The following C14orf39 variants were observed in gnomAD, a reference collection of about 807,000 sequenced individuals.
The protein encoded by C14orf39 is chromosome 14 open reading frame 39, also known as protein SIX6OS1.
In C14orf39, 66 loss-of-function variants were observed where a neutral mutation model predicts 85.6. That is an observed-to-expected ratio of 0.77 (90% confidence interval 0.63 to 0.95). The LOEUF is 0.95. Ranked by LOEUF, C14orf39 falls within the 40% of genes least tolerant of loss-of-function variation. The probability of loss-of-function intolerance (pLI) is 0.00; values close to 1 mark genes in which losing one functional copy is unlikely to be tolerated. For synonymous variants in C14orf39, 242 were observed against 214.0 expected (o/e 1.13, Z -1.14); for missense variants, 735 against 663.9 (o/e 1.11, Z -1.18).
rs751596109 is a variant in C14orf39, at chr14:60,458,716, TC to T, written c.1140del (p.Thr381GlnfsTer2). ...GDKDAEYGDK[G>X]TVRQVRESKC... Reference sequence around the variant, plus strand: ...TTTGATTCTCTTACTTGTCTTACTGTCCCTTTATCTCCATACTCAGCATCTG... The same window carrying T: ...TTTGATTCTCTTACTTGTCTTACTGTCCTTTATCTCCATACTCAGCATCTG... On this transcript the variant is annotated frameshift_variant, in exon 14 of 18. Transcript: ENST00000321731. LOFTEE classifies it high-confidence loss of function. 6.2e-7 allele frequency: 1 copy of T among 1,602,556 alleles called. No homozygotes were observed. Among genetic ancestry groups the T allele is most frequent in the Non-Finnish European group, 8.5e-7 (1 of 1,174,090 alleles).
chr14:60,442,332 G>T (rs891773110), intron 16 of C14orf39, among the ~76,000 whole-genome samples: 1 of 152,066 alleles, frequency 6.6e-6, no homozygotes, highest in Non-Finnish European at 1.5e-5. Flanking sequence ...AAGGTCTATT[G>T]ATTTGATTCA....
intron 11 of C14orf39, among the ~76,000 whole-genome samples, chr14:60,464,475 T>G (rs1891687776): frequency 6.6e-6 from 1 of 152,160 alleles, no homozygotes; most frequent in South Asian, 2.1e-4. Flanking sequence ...AGCTTCTTGT[T>G]TTAACTGTGT....
Position 60,485,946 on chromosome 14 carries a change from T to G in C14orf39, c.-10A>C, listed in dbSNP as rs1456587886. 2 of 151,938 alleles carry G rather than the reference T, an allele frequency of 1.3e-5. No homozygotes were observed. Among genetic ancestry groups the G allele is most frequent in the Non-Finnish European group, 2.9e-5 (2 of 68,288 alleles). 9.4% of individuals were successfully genotyped at this position (151,938 alleles called of 1,614,324 possible). On this transcript the variant is annotated splice_region_variant and 5_prime_UTR_variant, in exon 1 of 18. Transcript: ENST00000321731. ...CATGCAGCTCCCTTCCACACGCACCTAAACAGCTCCTCTGGACCCGAACGC... is the reference window on the plus strand; with the variant it reads ...CATGCAGCTCCCTTCCACACGCACCGAAACAGCTCCTCTGGACCCGAACGC...
upstream of C14orf39, among the ~76,000 whole-genome samples, chr14:60,487,492 C>CGTGT (rs1308228152): frequency 0.015 from 2,265 of 149,640 alleles, 24 homozygotes; most frequent in South Asian, 0.031. Context: ...AATAAAAGTC[C>CGTGT]GTGTGTGTGT....
At chr14:60,443,742 G>A (rs1168203505) in intron 16 of C14orf39, among the ~76,000 whole-genome samples, 3 of 152,208 alleles carry the variant, frequency 2.0e-5, no homozygotes, top group Admixed American at 6.5e-5. Context: ...TGACTCCCAT[G>A]TAGCCTGACT....
intron 16 of C14orf39, among the ~76,000 whole-genome samples, chr14:60,446,976 A>C (rs1426323715): frequency 6.6e-6 from 1 of 152,214 alleles, no homozygotes; most frequent in Non-Finnish European, 1.5e-5. Context: ...AGATGCAGAA[A>C]AGGCCTTTGA....
chr14:60,441,134 G>C (rs1027950265), intron 17 of C14orf39, among the ~76,000 whole-genome samples: 1 of 152,066 alleles, frequency 6.6e-6, no homozygotes, highest in African/African-American at 2.4e-5. Flanking sequence ...ACAGAATTAA[G>C]GTAAACACAG....
intron 17 of C14orf39, among the ~76,000 whole-genome samples, chr14:60,438,527 T>C (rs1365527265): frequency 6.6e-6 from 1 of 152,166 alleles, no homozygotes; most frequent in Non-Finnish European, 1.5e-5. Context: ...AAGAACACAT[T>C]ACTGTGCAAG....
intron 11 of C14orf39, 47 bp from the exon 12 acceptor site, chr14:60,461,640 A>C: frequency 1.5e-6 from 2 of 1,321,850 alleles, no homozygotes; most frequent in South Asian, 1.6e-5. Flanking sequence ...CAAAGCAATA[A>C]AAATTTTTTG....
At chr14:60,493,550 G>A (rs563569046) in intron 2 of C14orf39, among the ~76,000 whole-genome samples, 1 of 152,258 alleles carries the variant, frequency 6.6e-6, no homozygotes, top group African/African-American at 2.4e-5. Context: ...TTTGTCAAAA[G>A]AGGCAAAGCT....
chr14:60,474,507 TG>T (rs1892271147), intron 5 of C14orf39, among the ~76,000 whole-genome samples: 1 of 143,290 alleles, frequency 7.0e-6, no homozygotes, highest in Non-Finnish European at 1.5e-5. Context: ...TTCCAGTTTT[TG>T]CCCATTCAGT....
chr14:60,476,746 G>C (rs1003721529), intron 5 of C14orf39, among the ~76,000 whole-genome samples: 20 of 152,130 alleles, frequency 1.3e-4, no homozygotes, highest in African/African-American at 4.3e-4. Flanking sequence ...TATATATACT[G>C]TGTTTGGGGC....
At chr14:60,490,407 C>A (rs1892968276), upstream of C14orf39, among the ~76,000 whole-genome samples, 1 of 151,306 alleles carries the variant, frequency 6.6e-6, no homozygotes, top group African/African-American at 2.4e-5. Flanking sequence ...AGTTCAAGAC[C>A]AGCCTGGGAA....
chr14:60,499,034 G>A (rs1295802170), intron 2 of C14orf39, among the ~76,000 whole-genome samples: 3 of 152,094 alleles, frequency 2.0e-5, no homozygotes, highest in African/African-American at 2.4e-5. Context: ...CAAGGTAGGC[G>A]GATCACCTGA....
At position 60,436,922 on chromosome 14, in the gene C14orf39, G is replaced by A. The variant is rs1280858765; in HGVS notation, c.1687C>T (p.Gln563Ter). 1 of 1,612,572 alleles carries A rather than the reference G, an allele frequency of 6.2e-7. No homozygotes were observed. Among genetic ancestry groups the A allele is most frequent in the Non-Finnish European group, 8.5e-7 (1 of 1,178,944 alleles). ...AAAGAAGAAGAAGGTATTGAATTTTGACCCTGTCCAAATGAAAATGGAAAA... is the reference window on the plus strand; with the variant it reads ...AAAGAAGAAGAAGGTATTGAATTTTAACCCTGTCCAAATGAAAATGGAAAA... ...FSFPFSFGQGQNSIPSSSLKG... is the reference protein window; with the variant it reads ...FSFPFSFGQG The change falls in exon 18 of 18, where the codon CAA (glutamine) becomes TAA (stop). Residue 563 changes from glutamine (Q) to a stop codon, truncating the protein, a stop_gained. Coordinates refer to ENST00000321731, the MANE Select transcript of C14orf39 (RefSeq NM_174978.3). LOFTEE classifies it high-confidence loss of function.
At chr14:60,496,196 A>C (rs940276735) in intron 2 of C14orf39, 16 of 430,520 alleles carry the variant, frequency 3.7e-5, no homozygotes, top group Non-Finnish European at 7.1e-5. Flanking sequence ...CAGGAGATTC[A>C]CATGTTCATC....
intron 1 of C14orf39, among the ~76,000 whole-genome samples, chr14:60,506,152 C>A (rs184254849): frequency 6.6e-5 from 10 of 152,088 alleles, no homozygotes; most frequent in African/African-American, 2.2e-4. Context: ...TTGTCCAAGA[C>A]CTCATGTCCC....
chr14:60,461,206 T>C, intron 13 of C14orf39, 148 bp downstream of exon 13: 1 of 597,850 alleles, frequency 1.7e-6, no homozygotes, highest in East Asian at 2.8e-5. Flanking sequence ...ATTTGTTCTA[T>C]ATTTAGGGAA....
In C14orf39 at chr14:60,513,741, T is replaced by C. The variant is rs192788565; in HGVS notation, c.-144+1654A>G. On this transcript the variant is annotated intron_variant, in intron 1 of 5. Coordinates refer to the C14orf39 transcript ENST00000556799. ...AATGATACCTAAAAGCAGAAGAAAATGTCCATTCCGCAGTGTCAAGAAAAT... is the reference window on the plus strand; with the variant it reads ...AATGATACCTAAAAGCAGAAGAAAACGTCCATTCCGCAGTGTCAAGAAAAT... Among the ~76,000 whole-genome samples the C allele has an allele frequency of 2.0e-5, 3 of 152,066 alleles. No homozygotes were observed. In the East Asian group the frequency reaches 5.8e-4, roughly 29 times the overall value.
Sources: gnomAD v4.1 joint callset for allele counts (sites outside exome capture counted in the v4.1 genomes callset) on GRCh38, gnomAD v4.1.1 for gene constraint, MANE v1.5 for transcripts, NCBI Gene and HGNC (gene_info 2026-07-23, HGNC 2026-07-21) for gene names.